VAV3: variants seen among roughly 807,000 people sequenced by gnomAD.
VAV3 encodes guanine nucleotide exchange factor VAV3.
In VAV3, 94 loss-of-function variants were observed where a neutral mutation model predicts 131.2. That is an observed-to-expected ratio of 0.72 (90% CI 0.61 to 0.85). The LOEUF is 0.85. Among genes scored for constraint, VAV3 ranks in the 40% least tolerant of loss-of-function variants. The pLI is 0.00. For synonymous variants in VAV3, 349 were observed against 342.0 expected (o/e 1.02, Z -0.22); for missense variants, 939 against 1,002.7 (o/e 0.94, Z 0.86).
intron 19 of VAV3, 94 bp downstream of exon 19, chr1:107,683,394 C>A: frequency 6.9e-7 from 1 of 1,442,060 alleles, no homozygotes. Flanking sequence ...GAACAAAGGC[C>A]AACAATATGC....
intron 20 of VAV3, among the ~76,000 whole-genome samples, chr1:107,642,117 G>A (rs1655386474): frequency 6.6e-6 from 1 of 152,066 alleles, no homozygotes; most frequent in African/African-American, 2.4e-5. Flanking sequence ...AATGGGAGCT[G>A]GGCAAAATGA....
chr1:107,626,480 A>G (rs1377675305), intron 20 of VAV3, among the ~76,000 whole-genome samples: 4 of 152,172 alleles, frequency 2.6e-5, no homozygotes, highest in Non-Finnish European at 5.9e-5. Flanking sequence ...ATTACAGGAC[A>G]TACTAATGCC....
rs538364933 is a variant in VAV3 at position 107,908,075 on chromosome 1, A to G, written c.205-33058T>C. On this transcript the variant is annotated intron_variant, in intron 1 of 26. Transcript: ENST00000370056. ...ATCTGTTGATGACAGAATTTTCAAC[A>G]TCATCCCTATACTTTCAAGCTCTTT... Among the ~76,000 whole-genome samples, 7 of 152,334 alleles carry G rather than the reference A, an allele frequency of 4.6e-5. No individual in the cohort carries two copies. The South Asian group carries it at 1.4e-3, about 32-fold the overall frequency.
intron 15 of VAV3, among the ~76,000 whole-genome samples, chr1:107,735,742 G>A (rs1662577516): frequency 6.6e-6 from 1 of 152,070 alleles, no homozygotes; most frequent in Admixed American, 6.6e-5. Flanking sequence ...AAAAGTCCAA[G>A]ACCAGACGGA....
chr1:107,744,831 G>C (rs948004611), intron 15 of VAV3, among the ~76,000 whole-genome samples: 3 of 152,094 alleles, frequency 2.0e-5, no homozygotes, highest in African/African-American at 7.2e-5. Flanking sequence ...GCTTACTTTA[G>C]CACCCTTATG....
chr1:107,777,428 T>A (rs1481106936), intron 3 of VAV3, 132 bp from the exon 4 acceptor site: 1 of 769,508 alleles, frequency 1.3e-6, no homozygotes, highest in Admixed American at 2.4e-5. Context: ...AGTCACCATG[T>A]CTAACAATAT....
chr1:107,594,547 T>G (rs867595912), intron 25 of VAV3, among the ~76,000 whole-genome samples: 3 of 152,262 alleles, frequency 2.0e-5, no homozygotes, highest in Non-Finnish European at 4.4e-5. Flanking sequence ...AAAATTTATC[T>G]GGGGCTAGCA....
intron 20 of VAV3, 90 bp downstream of exon 20, chr1:107,642,529 T>C (rs1169289059): frequency 6.7e-7 from 1 of 1,487,338 alleles, no homozygotes; most frequent in East Asian, 2.3e-5. Flanking sequence ...TGCTTTGCAC[T>C]GTGGACTCGC....
At chr1:107,732,616 C>T (rs1351635203) in intron 15 of VAV3, among the ~76,000 whole-genome samples, 1 of 152,238 alleles carries the variant, frequency 6.6e-6, no homozygotes, top group African/African-American at 2.4e-5. Context: ...ACTGCTAGCT[C>T]AGCAGTCCGA....
At chr1:107,874,880 T>C in intron 2 of VAV3, 21 bp downstream of exon 2, 1 of 1,598,206 alleles carries the variant, frequency 6.3e-7, no homozygotes, top group Non-Finnish European at 8.6e-7. Context: ...AAAAGTAGTG[T>C]TAAAAATGAA....
chr1:107,688,185 C>A (rs1222401054), intron 18 of VAV3, among the ~76,000 whole-genome samples, 196 bp downstream of exon 18: 2 of 152,122 alleles, frequency 1.3e-5, no homozygotes, highest in Non-Finnish European at 2.9e-5. Flanking sequence ...CTAAGACCTT[C>A]GGACAGTGAC....
intron 1 of VAV3, among the ~76,000 whole-genome samples, chr1:107,889,955 A>G (rs1277760559): frequency 6.6e-6 from 1 of 152,256 alleles, no homozygotes; most frequent in Non-Finnish European, 1.5e-5. Flanking sequence ...GGAAATTAAC[A>G]GAATTTGAGA....
intron 1 of VAV3, among the ~76,000 whole-genome samples, chr1:107,913,790 A>AT (rs1239024647): frequency 6.6e-6 from 1 of 151,942 alleles, no homozygotes; most frequent in African/African-American, 2.4e-5. Flanking sequence ...ACAAATTATT[A>AT]TTTTTTTTAA....
chr1:107,697,337 G>T (rs1659809947), intron 17 of VAV3, among the ~76,000 whole-genome samples: 1 of 152,090 alleles, frequency 6.6e-6, no homozygotes, highest in East Asian at 1.9e-4. Context: ...CGGTGTTACC[G>T]GTCTCTCAAA....
At chr1:107,584,351 A>G (rs998027132) in intron 25 of VAV3, among the ~76,000 whole-genome samples, 16 of 152,236 alleles carry the variant, frequency 1.1e-4, no homozygotes, top group African/African-American at 3.9e-4. Context: ...GGCATGGGCA[A>G]GGACTTCATG....
chr1:107,730,203 T>G (rs772248075), intron 15 of VAV3, among the ~76,000 whole-genome samples: 2 of 152,228 alleles, frequency 1.3e-5, no homozygotes, highest in African/African-American at 4.8e-5. Flanking sequence ...CAGTCTAAAG[T>G]GTACCCTGAA....
intron 1 of VAV3, among the ~76,000 whole-genome samples, chr1:107,958,658 G>T (rs1321638468): frequency 6.6e-6 from 1 of 151,914 alleles, no homozygotes; most frequent in East Asian, 1.9e-4. Context: ...TTTAAGTTCT[G>T]GGATACATGT....
chr1:107,595,930 G>A (rs1163134168), intron 25 of VAV3, among the ~76,000 whole-genome samples: 4 of 152,068 alleles, frequency 2.6e-5, no homozygotes, highest in African/African-American at 9.7e-5. Context: ...TAATATAAAA[G>A]TCAATGAAAA....
intron 1 of VAV3, among the ~76,000 whole-genome samples, chr1:107,938,538 G>A (rs1484957990): frequency 1.3e-5 from 2 of 152,192 alleles, no homozygotes; most frequent in Non-Finnish European, 2.9e-5. Context: ...ATGGAGGGAA[G>A]AGCTTGCAGC....
Sources: allele counts gnomAD v4.1 joint callset (sites outside exome capture counted in the v4.1 genomes callset), GRCh38; gene constraint gnomAD v4.1.1; transcripts MANE v1.5; gene names NCBI Gene and HGNC (gene_info 2026-07-23, HGNC 2026-07-21).